The following PLEKHA3 variants were observed in gnomAD, a reference collection of about 807,000 sequenced individuals.
The protein encoded by PLEKHA3 is pleckstrin homology domain containing A3.
A neutral mutation model predicts 39.2 loss-of-function variants in PLEKHA3; 19 were observed. The ratio of observed to expected loss-of-function variants is 0.48; its 90% confidence interval spans 0.34 to 0.71. PLEKHA3 has a LOEUF of 0.71. Ranked by LOEUF, PLEKHA3 falls within the 30% of genes least tolerant of loss-of-function variation. The pLI is 0.01. For missense variants in PLEKHA3, 253 were observed against 359.5 expected (o/e 0.70, Z 2.40); for synonymous variants, 97 against 118.6 (o/e 0.82, Z 1.18).
At position 178,511,642 on chromosome 2, in the gene PLEKHA3, A is replaced by G. The variant is rs1198717659; in HGVS notation, c.*7755A>G. ...TGCCTCAGCCTTTGAAAGTGCTGGG[A>G]TTACAGGCGGGAGCCACCGTGCCCG... is the stretch of plus-strand genomic sequence containing the variant. On this transcript the variant is annotated 3_prime_UTR_variant, in exon 8 of 8. Transcript: ENST00000234453. 2.6e-5 allele frequency: 4 copies of G among 152,008 alleles called. No homozygotes were observed. The highest frequency in any genetic ancestry group is 7.3e-5 in the African/African-American group (3 of 41,328). The allele number at this position is 152,008 out of a possible 1,614,324, so 9.4% of individuals were successfully genotyped here. A position where few individuals can be genotyped will look rare whatever the true frequency, so the allele number is the denominator to read the frequency against.
chr2:178,491,710 G>T (rs1685350325), intron 3 of PLEKHA3, among the ~76,000 whole-genome samples: 1 of 152,078 alleles, frequency 6.6e-6, no homozygotes, highest in African/African-American at 2.4e-5. Flanking sequence ...TTCATTTTCT[G>T]TTGCTTTGAC....
rs35052196 is a variant in PLEKHA3, at chr2:178,507,658, G to GTTTTTTTTTTTTTTTTTTT, written c.*3789_*3807dup. On this transcript the variant is annotated 3_prime_UTR_variant, in exon 8 of 8. Coordinates refer to ENST00000234453, the MANE Select transcript of PLEKHA3 (RefSeq NM_019091.4). ...CCTTTAGTTTTTAGTCTCACATTAG[G>GTTTTTTTTTTTTTTTTTTT]TTTTTTTTTTTTTTTTTTTTTTTTT... The GTTTTTTTTTTTTTTTTTTT allele has an allele frequency of 4.9e-4, 14 of 28,818 alleles. 4 individuals are homozygous for GTTTTTTTTTTTTTTTTTTT. The highest frequency in any genetic ancestry group is 9.5e-4 in the African/African-American group (10 of 10,518). 1.8% of individuals were successfully genotyped at this position (28,818 alleles called of 1,614,324 possible). A position where few individuals can be genotyped will look rare whatever the true frequency, so the allele number is the denominator to read the frequency against.
chr2:178,490,112 G>A (rs1389598028), intron 2 of PLEKHA3, among the ~76,000 whole-genome samples: 1 of 152,186 alleles, frequency 6.6e-6, no homozygotes, highest in East Asian at 1.9e-4. Context: ...TGTGTGTGCA[G>A]GAGAAGAGGT....
At position 178,511,894 on chromosome 2, in the gene PLEKHA3, T is replaced by G. The variant is rs1488286515; in HGVS notation, c.*8007T>G. ...ACTAATCTAGTATATTTTCATAGGATAGAATTTGCCCTTTCTGTCCCATAA... is the reference window on the plus strand; with the variant it reads ...ACTAATCTAGTATATTTTCATAGGAGAGAATTTGCCCTTTCTGTCCCATAA... On this transcript the variant is annotated 3_prime_UTR_variant, in exon 8 of 8. Transcript: ENST00000234453. 6.6e-6 allele frequency: 1 copy of G among 152,218 alleles called. No individual in the cohort carries two copies. Among genetic ancestry groups the G allele is most frequent in the South Asian group, 2.1e-4 (1 of 4,826 alleles). 9.4% of individuals were successfully genotyped at this position (152,218 alleles called of 1,614,324 possible). A position where few individuals can be genotyped will look rare whatever the true frequency, so the allele number is the denominator to read the frequency against.
intron 1 of PLEKHA3, among the ~76,000 whole-genome samples, chr2:178,482,741 A>G (rs941339959): frequency 1.3e-5 from 2 of 152,144 alleles, no homozygotes; most frequent in African/African-American, 4.8e-5. Context: ...CTAAATAACC[A>G]GGGGTTGAGC....
chr2:178,487,691 G>T (rs557442186), intron 2 of PLEKHA3, among the ~76,000 whole-genome samples: 6 of 152,220 alleles, frequency 3.9e-5, no homozygotes, highest in African/African-American at 1.2e-4. Context: ...CAATCTGCCC[G>T]CTTTGGCCTC....
In PLEKHA3 at chr2:178,508,400, TC is replaced by T. The variant is rs1685636144; in HGVS notation, c.*4514del. 1 of 152,206 alleles carries T rather than the reference TC, an allele frequency of 6.6e-6. No individual in the cohort carries two copies. The allele number at this position is 152,206 out of a possible 1,614,324, so 9.4% of individuals were successfully genotyped here. A position where few individuals can be genotyped will look rare whatever the true frequency, so the allele number is the denominator to read the frequency against. ...CCTGAGGATAAAATTAAGATTTTTT[TC>T]TTACATCTTTCCTGTTTCTTGAATG... On this transcript the variant is annotated 3_prime_UTR_variant, in exon 8 of 8. Transcript: ENST00000234453.
In PLEKHA3 at chr2:178,516,158, A is replaced by G. The variant is rs1171971855; in HGVS notation, c.*12271A>G. ...TGAAAAATTTGTAAGTTTAGAAGTT[A>G]AGAAATTGGAAATAATGGAATTGGT... On this transcript the variant is annotated 3_prime_UTR_variant, in exon 8 of 8. Transcript: ENST00000234453. The G allele has an allele frequency of 6.6e-6, 1 of 151,948 alleles. No individual in the cohort carries two copies. The highest frequency in any genetic ancestry group is 2.4e-5 in the African/African-American group (1 of 41,440). 9.4% of individuals were successfully genotyped at this position (151,948 alleles called of 1,614,324 possible).
chr2:178,481,110 A>G (rs878932212), intron 1 of PLEKHA3, among the ~76,000 whole-genome samples: 2 of 151,262 alleles, frequency 1.3e-5, no homozygotes, highest in Non-Finnish European at 3.0e-5. Context: ...TGGGAAGTGC[A>G]CCTGCCACTT....
rs1401022912 is a variant in PLEKHA3, at chr2:178,512,424, T to G, written c.*8537T>G. On this transcript the variant is annotated 3_prime_UTR_variant, in exon 8 of 8. Coordinates refer to ENST00000234453, the MANE Select transcript of PLEKHA3 (RefSeq NM_019091.4). ...AAATGTATGACTATAATGAATTCCTTCTTCACTTTTACTCTGGCAAGGTGG... is the reference window on the plus strand; with the variant it reads ...AAATGTATGACTATAATGAATTCCTGCTTCACTTTTACTCTGGCAAGGTGG... The G allele has an allele frequency of 1.3e-5, 2 of 152,230 alleles. No individual in the cohort carries two copies. The highest frequency in any genetic ancestry group is 2.9e-5 in the Non-Finnish European group (2 of 68,040). The allele number at this position is 152,230 out of a possible 1,614,324, so 9.4% of individuals were successfully genotyped here.
Position 178,504,045 on chromosome 2 carries a change from G to A in PLEKHA3, c.*158G>A. The A allele has an allele frequency of 1.5e-6, 1 of 676,578 alleles. No homozygotes were observed. The highest frequency in any genetic ancestry group is 2.9e-5 in the South Asian group (1 of 35,070). The allele number at this position is 676,578 out of a possible 1,614,324, so 41.9% of individuals were successfully genotyped here. The stretch of plus-strand genomic sequence containing the variant: ...AAAACAAACCACATACTTTTGAAGT[G>A]TATTTTATCTTTATATAGTTTGTTT... On this transcript the variant is annotated 3_prime_UTR_variant, in exon 8 of 8. Transcript: ENST00000234453.
At chr2:178,499,356 G>C in intron 6 of PLEKHA3, 102 bp downstream of exon 6, 2 of 1,086,244 alleles carry the variant, frequency 1.8e-6, no homozygotes, top group Non-Finnish European at 2.6e-6. Context: ...ACTCTGTATG[G>C]GTTAGGTCTG....
At chr2:178,487,723 T>A (rs7588593) in intron 2 of PLEKHA3, among the ~76,000 whole-genome samples, 2 of 152,146 alleles carry the variant, frequency 1.3e-5, no homozygotes, top group Admixed American at 1.3e-4. Context: ...GAATTACTGG[T>A]GTTAGCCACT....
intron 6 of PLEKHA3, among the ~76,000 whole-genome samples, chr2:178,500,810 A>G (rs560843707): frequency 1.3e-5 from 2 of 152,062 alleles, no homozygotes; most frequent in Non-Finnish European, 2.9e-5. Flanking sequence ...TCTCCCCTAC[A>G]GAAGTCACTA....
intron 7 of PLEKHA3, 104 bp downstream of exon 7, chr2:178,501,280 T>A (rs1685526492): frequency 1.3e-6 from 1 of 794,474 alleles, no homozygotes; most frequent in Non-Finnish European, 2.1e-6. Context: ...CATTGTACTT[T>A]GTTTCTTTGA....
Position 178,515,329 on chromosome 2 carries a change from A to G in PLEKHA3, c.*11442A>G, listed in dbSNP as rs1255767987. 1 of 152,096 alleles carries G rather than the reference A, an allele frequency of 6.6e-6. No individual in the cohort carries two copies. The highest frequency in any genetic ancestry group is 6.5e-5 in the Admixed American group (1 of 15,268). The allele number at this position is 152,096 out of a possible 1,614,324, so 9.4% of individuals were successfully genotyped here. Reference sequence around the variant, plus strand: ...ACCTGTCCTGAAGAGCTCTTATGGAAATCATGGTTGAATGTTAGTAAATTT... The same window carrying G: ...ACCTGTCCTGAAGAGCTCTTATGGAGATCATGGTTGAATGTTAGTAAATTT... On this transcript the variant is annotated 3_prime_UTR_variant, in exon 8 of 8. Coordinates refer to ENST00000234453, the MANE Select transcript of PLEKHA3 (RefSeq NM_019091.4).
chr2:178,480,909 G>A lies in PLEKHA3; in HGVS notation c.40G>A (p.Gly14Ser). Residue 14 changes from glycine (G) to serine (S), a missense_variant and splice_region_variant, in exon 1 of 8, where the codon GGC (glycine) becomes AGC (serine). Gly to Ser is a moderately conservative substitution (Grantham distance 56). Coordinates refer to ENST00000234453, the MANE Select transcript of PLEKHA3 (RefSeq NM_019091.4). Reference sequence around the variant, plus strand: ...GTACAAGTGGACCAACTATCTCACAGGTATGGGGGCTCGTGTGATGAGGGA... The same window carrying A: ...GTACAAGTGGACCAACTATCTCACAAGTATGGGGGCTCGTGTGATGAGGGA... ...VLYKWTNYLTGWQPRWFVLDN... is the reference protein window; with the variant it reads ...VLYKWTNYLTSWQPRWFVLDN... 3 of 1,313,226 alleles carry A rather than the reference G, an allele frequency of 2.3e-6. No individual in the cohort carries two copies. The highest frequency in any genetic ancestry group is 2.9e-6 in the Non-Finnish European group (3 of 1,021,598). 81.3% of individuals were successfully genotyped at this position (1,313,226 alleles called of 1,614,324 possible).
At chr2:178,493,444 G>A (rs1337170629) in intron 3 of PLEKHA3, among the ~76,000 whole-genome samples, 3 of 151,970 alleles carry the variant, frequency 2.0e-5, no homozygotes, top group Non-Finnish European at 4.4e-5. Flanking sequence ...TCTTTAATTT[G>A]TAAGAACTTT....
chr2:178,506,496 G>GCTT lies in PLEKHA3; in HGVS notation c.*2610_*2611insTTC, dbSNP rs1685601999. 6.6e-6 allele frequency: 1 copy of GCTT among 152,076 alleles called. No homozygotes were observed. The allele number at this position is 152,076 out of a possible 1,614,324, so 9.4% of individuals were successfully genotyped here. A position where few individuals can be genotyped will look rare whatever the true frequency, so the allele number is the denominator to read the frequency against. ...CTATTGCTTAAACTTAAATTCCAAG[G>GCTT]CAGAAGATAGAGTATCTTCATTTCC... On this transcript the variant is annotated 3_prime_UTR_variant, in exon 8 of 8. Transcript: ENST00000234453.
Sources: allele counts gnomAD v4.1 joint callset (sites outside exome capture counted in the v4.1 genomes callset), GRCh38; gene constraint gnomAD v4.1.1; transcripts MANE v1.5; gene names NCBI Gene and HGNC (gene_info 2026-07-23, HGNC 2026-07-21).